SPATA13: variants seen among roughly 807,000 people sequenced by gnomAD.
The protein encoded by SPATA13 is spermatogenesis associated 13, also known as spermatogenesis-associated protein 13.
Under a neutral mutation model 104.0 loss-of-function variants are expected in SPATA13, and 50 were observed. The ratio of observed to expected loss-of-function variants is 0.48; its 90% CI spans 0.38 to 0.61. The LOEUF is 0.61. SPATA13 is among the 20% of genes least tolerant of loss of function. The pLI is 0.00. For missense variants in SPATA13, 1,524 were observed against 1,690.6 expected, an observed-to-expected ratio of 0.90 and a Z score of 1.73; for synonymous variants, 606 against 667.5, an observed-to-expected ratio of 0.91 and a Z score of 1.42.
At chr13:24,281,118 G>C (rs1374994330) in intron 4 of SPATA13, among the ~76,000 whole-genome samples, 1 of 152,152 alleles carries the variant, frequency 6.6e-6, no homozygotes, top group Non-Finnish European at 1.5e-5. Flanking sequence ...CCATGCCCCT[G>C]GCAACCGTCC....
At chr13:24,264,242 GTC>G (rs1440991600) in intron 4 of SPATA13, among the ~76,000 whole-genome samples, 2 of 152,046 alleles carry the variant, frequency 1.3e-5, no homozygotes, top group African/African-American at 2.4e-5. Flanking sequence ...TGAAAATATC[GTC>G]TGTCTTATTA....
intron 1 of SPATA13, chr13:23,979,997 CCGAAA>C (rs1874799717): frequency 6.6e-6 from 1 of 152,318 alleles, no homozygotes; most frequent in Non-Finnish European, 1.5e-5. Flanking sequence ...CAGCATTTGG[CCGAAA>C]TCCTGTGCCC....
chr13:24,171,744 G>A (rs185419518), intron 1 of SPATA13, among the ~76,000 whole-genome samples: 1 of 152,298 alleles, frequency 6.6e-6, no homozygotes, highest in East Asian at 1.9e-4. Context: ...CTGGTGATTG[G>A]TTACGTGAAT....
intron 3 of SPATA13, among the ~76,000 whole-genome samples, chr13:24,100,381 G>A (rs1350248368): frequency 1.3e-5 from 2 of 152,174 alleles, no homozygotes; most frequent in Non-Finnish European, 2.9e-5. Context: ...CATTTAGTTT[G>A]CAGATGAGTT....
At chr13:24,077,256 C>T (rs1002838337) in intron 3 of SPATA13, among the ~76,000 whole-genome samples, 1 of 106,942 alleles carries the variant, frequency 9.4e-6, no homozygotes, top group Non-Finnish European at 1.8e-5. Flanking sequence ...GAGCGAGACT[C>T]CATGTCAAAA....
At chr13:24,289,308 G>A (rs2138743758) in intron 8 of SPATA13, 130 bp downstream of exon 8, 4 of 730,812 alleles carry the variant, frequency 5.5e-6, no homozygotes, top group South Asian at 3.9e-5. Context: ...GAAAGGAGAT[G>A]TTTCTTCTAT....
intron 5 of SPATA13, among the ~76,000 whole-genome samples, chr13:24,284,527 A>G (rs770987581): frequency 6.6e-5 from 10 of 152,212 alleles, no homozygotes; most frequent in Admixed American, 1.3e-4. Context: ...GGTAGGCATG[A>G]TGGTGCGCAC....
At chr13:24,167,242 G>C (rs1351441020) in intron 1 of SPATA13, among the ~76,000 whole-genome samples, 1 of 152,218 alleles carries the variant, frequency 6.6e-6, no homozygotes, top group African/African-American at 2.4e-5. Flanking sequence ...TGGAGGCTGT[G>C]ATGGTTCTGT....
intron 3 of SPATA13, chr13:24,033,764 T>C (rs1030581133): frequency 6.6e-6 from 1 of 152,290 alleles, no homozygotes; most frequent in Non-Finnish European, 1.5e-5. Context: ...CTCCGTCATG[T>C]GACAGGTGAG....
chr13:23,997,465 A>G (rs368169245), intron 2 of SPATA13, among the ~76,000 whole-genome samples: 1 of 152,250 alleles, frequency 6.6e-6, no homozygotes. Flanking sequence ...TACTTCATTC[A>G]GCATAATTTG....
chr13:24,044,721 T>C (rs1878066903), intron 3 of SPATA13, among the ~76,000 whole-genome samples: 1 of 146,600 alleles, frequency 6.8e-6, no homozygotes, highest in Non-Finnish European at 1.5e-5. Flanking sequence ...TACAGTACAT[T>C]ATTGTTAACT....
chr13:24,001,408 G>T (rs1259583812), intron 2 of SPATA13, among the ~76,000 whole-genome samples: 1 of 151,928 alleles, frequency 6.6e-6, no homozygotes, highest in Non-Finnish European at 1.5e-5. Context: ...AGGAGGGTGT[G>T]AGAGAGGTGA....
Position 24,170,146 on chromosome 13 carries a change from C to T in SPATA13, c.-112+9214C>T, listed in dbSNP as rs140149789. Among the ~76,000 whole-genome samples, 36 of 152,312 alleles carry T rather than the reference C, an allele frequency of 2.4e-4. No individual in the cohort carries two copies. The East Asian group carries it at 5.8e-3, about 24-fold the overall frequency. On this transcript the variant is annotated intron_variant, in intron 1 of 12. Coordinates refer to ENST00000382108, the MANE Select transcript of SPATA13 (RefSeq NM_001166271.3). ...CAGGGGGATAGGTCAAATCATGCTC[C>T]AGCCACTGCCTCAGTATGTCTGATT...
chr13:24,190,647 G>T (rs1378454491), intron 1 of SPATA13, among the ~76,000 whole-genome samples: 22 of 151,954 alleles, frequency 1.4e-4, no homozygotes, highest in African/African-American at 5.3e-4. Flanking sequence ...AGTGGAGGCT[G>T]AAGATTTGAT....
In SPATA13 at chr13:24,037,334, C is replaced by T. The variant is rs571522326; in HGVS notation, c.-112+19633C>T. Among the ~76,000 whole-genome samples the T allele has an allele frequency of 3.3e-5, 5 of 151,280 alleles. No homozygotes were observed. The South Asian group carries it at 6.3e-4, about 19-fold the overall frequency. ...AACCTGCACGTTGTGCACATGTACC[C>T]TAGAACTTAAAGTATAATTTTAAAA... On this transcript the variant is annotated intron_variant, in intron 3 of 14. Coordinates refer to the SPATA13 transcript ENST00000424834.
chr13:24,058,538 T>C (rs17429818), intron 3 of SPATA13, among the ~76,000 whole-genome samples: 23,444 of 151,754 alleles, frequency 0.15, 2,226 homozygotes, highest in African/African-American at 0.17. Flanking sequence ...ACACATTACT[T>C]AGAATAATTG....
At chr13:24,171,098 TG>T (rs942186245) in intron 1 of SPATA13, among the ~76,000 whole-genome samples, 1 of 151,978 alleles carries the variant, frequency 6.6e-6, no homozygotes, top group Admixed American at 6.5e-5. Context: ...GAATTTTAGT[TG>T]GAAATACATT....
chr13:23,983,173 C>T (rs1874980880), intron 1 of SPATA13, among the ~76,000 whole-genome samples: 1 of 152,178 alleles, frequency 6.6e-6, no homozygotes, highest in Admixed American at 6.5e-5. Context: ...GCTTAAGTGA[C>T]AGACCTTGAT....
At chr13:24,198,169 A>G (rs1011303568) in intron 1 of SPATA13, among the ~76,000 whole-genome samples, 1 of 151,980 alleles carries the variant, frequency 6.6e-6, no homozygotes, top group South Asian at 2.1e-4. Context: ...TAATTTCTAT[A>G]TTTTTAGTAG....
Sources: gnomAD v4.1 joint callset for allele counts (sites outside exome capture counted in the v4.1 genomes callset) on GRCh38, gnomAD v4.1.1 for gene constraint, MANE v1.5 for transcripts, NCBI Gene and HGNC (gene_info 2026-07-23, HGNC 2026-07-21) for gene names.